The following FSHR variants were observed in gnomAD, a reference collection of about 807,000 sequenced individuals.
FSHR encodes the protein follicle-stimulating hormone receptor.
FSHR carries 46 observed loss-of-function variants against 52.1 expected under a neutral mutation model. The ratio of observed to expected loss-of-function variants is 0.88; its 90% CI spans 0.70 to 1.13. The LOEUF (loss-of-function observed/expected upper bound fraction) is 1.13, where lower values mean the gene tolerates loss of function less well. FSHR is among the 50% of genes most tolerant of loss of function. The pLI is 0.00. For missense variants in FSHR, 964 were observed against 834.6 expected, an observed-to-expected ratio of 1.16 and a Z score of -1.91; for synonymous variants, 399 against 309.6, an observed-to-expected ratio of 1.29 and a Z score of -3.03.
chr2:49,066,307 A>G (rs1299059637), intron 2 of FSHR, among the ~76,000 whole-genome samples: 2 of 152,076 alleles, frequency 1.3e-5, no homozygotes, highest in Non-Finnish European at 2.9e-5. Flanking sequence ...GAGATACTGA[A>G]GAAAAGGCCA....
At chr2:49,112,144 A>G (rs1671444722) in intron 1 of FSHR, among the ~76,000 whole-genome samples, 1 of 152,132 alleles carries the variant, frequency 6.6e-6, no homozygotes, top group Admixed American at 6.6e-5. Flanking sequence ...GGAGTCCTAA[A>G]ACTCAGCAAA....
chr2:48,963,364 G>T lies in FSHR; in HGVS notation c.1457C>A (p.Ala486Asp). Residue 486 changes from alanine to aspartate, a missense_variant, in exon 10 of 10, where the codon GCT becomes GAT. Transcript: ENST00000406846. ...CCAGCCCATCACCATGACACTGGCA[G>T]CATGGCGGAGCTGCACCTTGCAGTC... ...QLDCKVQLRH[A>D]ASVMVMGWIF... 1.2e-6 allele frequency: 2 copies of T among 1,614,030 alleles called. No homozygotes were observed. The highest frequency in any genetic ancestry group is 1.7e-6 in the Non-Finnish European group (2 of 1,179,960).
At chr2:49,133,795 C>T (rs1227597212) in intron 1 of FSHR, among the ~76,000 whole-genome samples, 1 of 151,932 alleles carries the variant, frequency 6.6e-6, no homozygotes, top group Non-Finnish European at 1.5e-5. Flanking sequence ...CTTTGACAAA[C>T]CTGACAAAAA....
At chr2:49,018,273 A>G (rs761922536) in intron 3 of FSHR, among the ~76,000 whole-genome samples, 2 of 152,142 alleles carry the variant, frequency 1.3e-5, no homozygotes, top group Non-Finnish European at 2.9e-5. Context: ...CTGTGTCTTG[A>G]TCAACAGTCT....
At chr2:49,149,236 C>T (rs1672975090) in intron 1 of FSHR, among the ~76,000 whole-genome samples, 1 of 151,860 alleles carries the variant, frequency 6.6e-6, no homozygotes, top group Non-Finnish European at 1.5e-5. Context: ...ATTGTTTTAT[C>T]TTCTCTTTCT....
chr2:48,983,130 G>T lies in FSHR; in HGVS notation c.561C>A (p.Asn187Lys), dbSNP rs777027304. Residue 187 changes from asparagine to lysine, a missense_variant, in exon 7 of 10, where the codon AAC (asparagine) becomes AAA (lysine). Transcript: ENST00000406846. ...CTAGTTGGGTTCCATTGAATGCACA[G>T]TTGTGTATTTCTTGAATCCCATTCT... ...LNKNGIQEIH[N>K]CAFNGTQLDE... 5 of 1,613,978 alleles carry T rather than the reference G, an allele frequency of 3.1e-6. No individual in the cohort carries two copies. The highest frequency in any genetic ancestry group is 3.3e-5 in the Admixed American group (2 of 60,006).
At chr2:49,103,497 G>T (rs1671108070) in intron 1 of FSHR, among the ~76,000 whole-genome samples, 1 of 152,068 alleles carries the variant, frequency 6.6e-6, no homozygotes, top group Non-Finnish European at 1.5e-5. Context: ...AGAACCCCTT[G>T]TGCATAGTTG....
intron 2 of FSHR, among the ~76,000 whole-genome samples, chr2:49,053,683 T>C (rs1438513820): frequency 1.3e-5 from 2 of 152,142 alleles, no homozygotes; most frequent in Non-Finnish European, 2.9e-5. Context: ...CTATTCCTGG[T>C]TCTTAAAAAA....
rs182688137 is a variant in FSHR, at chr2:49,024,329, C to T, written c.225-4169G>A. Among the ~76,000 whole-genome samples, 765 of 151,940 alleles carry T rather than the reference C, an allele frequency of 5.0e-3. 7 individuals are homozygous for T. Among genetic ancestry groups the T allele is most frequent in the African/African-American group, 0.018 (735 of 41,418 alleles). On this transcript the variant is annotated intron_variant, in intron 2 of 9. Coordinates refer to ENST00000406846, the MANE Select transcript of FSHR (RefSeq NM_000145.4). ...GTGGCTTATGCCTGTAATCCCAGTACTTTTGGAGGCTGAGATGGGTGGATC... is the reference window on the plus strand; with the variant it reads ...GTGGCTTATGCCTGTAATCCCAGTATTTTTGGAGGCTGAGATGGGTGGATC...
intron 4 of FSHR, among the ~76,000 whole-genome samples, chr2:49,008,117 A>G (rs1380100663): frequency 3.4e-5 from 5 of 147,828 alleles, no homozygotes; most frequent in Admixed American, 2.0e-4. Flanking sequence ...ATGCTGGTGC[A>G]CTGCACCCAC....
intron 6 of FSHR, among the ~76,000 whole-genome samples, chr2:48,983,553 G>A (rs1305711775): frequency 2.0e-5 from 3 of 152,164 alleles, no homozygotes; most frequent in Non-Finnish European, 4.4e-5. Context: ...TATTGAACAA[G>A]TGTTTATAAG....
At chr2:49,097,948 T>G (rs1418487072) in intron 1 of FSHR, among the ~76,000 whole-genome samples, 2 of 144,632 alleles carry the variant, frequency 1.4e-5, no homozygotes, top group Non-Finnish European at 3.1e-5. Flanking sequence ...TGCCCAAATT[T>G]TTATTAAGTT....
At position 49,052,640 on chromosome 2, in the gene FSHR, C is replaced by A. The variant is rs150569076; in HGVS notation, c.224+15579G>T. ...CCTTGTTATTCCCAGGGACTCAAAT[C>A]CCCTCTTCCCATTCAGAGATCTAAC... is the stretch of plus-strand genomic sequence containing the variant. On this transcript the variant is annotated intron_variant, in intron 2 of 9. Transcript: ENST00000406846. 3.9e-5 allele frequency among the ~76,000 whole-genome samples: 6 copies of A among 152,226 alleles called. No individual in the cohort carries two copies. In the East Asian group the frequency reaches 1.2e-3, roughly 29 times the overall value.
At chr2:49,149,083 T>G (rs7571021) in intron 1 of FSHR, among the ~76,000 whole-genome samples, 8,173 of 151,918 alleles carry the variant, frequency 0.054, 748 homozygotes, top group African/African-American at 0.18. Flanking sequence ...AATATTATTA[T>G]TAGTAGCAGA....
chr2:49,110,175 A>G (rs1671373511), intron 1 of FSHR, among the ~76,000 whole-genome samples: 1 of 152,200 alleles, frequency 6.6e-6, no homozygotes, highest in South Asian at 2.1e-4. Flanking sequence ...TGCTTCCTAT[A>G]TGCCAAGCAT....
chr2:48,989,190 G>A (rs1675655098), intron 5 of FSHR, 136 bp from the exon 6 acceptor site: 2 of 650,374 alleles, frequency 3.1e-6, no homozygotes, highest in Admixed American at 2.4e-5. Context: ...TTTAGAAGAT[G>A]ATCAGCTCAA....
intron 1 of FSHR, among the ~76,000 whole-genome samples, chr2:49,132,037 G>A (rs1316503847): frequency 6.6e-6 from 1 of 152,196 alleles, no homozygotes; most frequent in Non-Finnish European, 1.5e-5. Context: ...GTTTGTGCAT[G>A]TGTGTCTTTA....
chr2:48,979,107 ATACAAGTTATCAGGCCTCAACCCTGACC>A (rs555081057), intron 8 of FSHR, among the ~76,000 whole-genome samples: 399 of 152,264 alleles, frequency 2.6e-3, no homozygotes, highest in African/African-American at 9.4e-3. Flanking sequence ...GATGTTAGAG[ATACAAGTTATCAGGCCTCAACCCTGACC>A]TACTGAATCA....
chr2:49,122,422 CG>C (rs1558453204), intron 1 of FSHR, among the ~76,000 whole-genome samples: 1 of 152,184 alleles, frequency 6.6e-6, no homozygotes, highest in African/African-American at 2.4e-5. Context: ...TTACTACAGT[CG>C]GGGTCTTCTT....
Sources: allele counts gnomAD v4.1 joint callset (sites outside exome capture counted in the v4.1 genomes callset), GRCh38; gene constraint gnomAD v4.1.1; transcripts MANE v1.5; gene names NCBI Gene and HGNC (gene_info 2026-07-23, HGNC 2026-07-21).